HRH1: variants seen among roughly 807,000 people sequenced by gnomAD.
HRH1 encodes histamine receptor H1, also known as histamine H1 receptor.
In HRH1, 6 loss-of-function variants were observed where a neutral mutation model predicts 10.3. That is an observed-to-expected ratio of 0.58 (90% CI 0.32 to 1.15). The LOEUF (loss-of-function observed/expected upper bound fraction) is 1.15, where lower values mean the gene tolerates loss of function less well. Ranked by LOEUF, HRH1 falls within the 50% of genes most tolerant of loss-of-function variation. HRH1 has a pLI of 0.05. For synonymous variants in HRH1, 242 were observed against 236.7 expected, an observed-to-expected ratio of 1.02 and a Z score of -0.21; for missense variants, 514 against 615.3, an observed-to-expected ratio of 0.84 and a Z score of 1.74.
At chr3:11,187,354 TTTTTC>T (rs1293516415) in intron 1 of HRH1, among the ~76,000 whole-genome samples, 23 of 152,088 alleles carry the variant, frequency 1.5e-4, no homozygotes, top group Admixed American at 1.5e-3. Context: ...CCGTAATTTT[TTTTTC>T]TTTTAACTAC....
chr3:11,160,299 G>A (rs35612738), intron 1 of HRH1, among the ~76,000 whole-genome samples: 37,817 of 151,986 alleles, frequency 0.25, 5,970 homozygotes, highest in African/African-American at 0.45. Flanking sequence ...CAATTTTCTC[G>A]GCTGGAATCT....
At chr3:11,180,597 C>A (rs1371694856) in intron 1 of HRH1, among the ~76,000 whole-genome samples, 1 of 152,046 alleles carries the variant, frequency 6.6e-6, no homozygotes, top group African/African-American at 2.4e-5. Context: ...GGGTTGGGTA[C>A]CCCTGTCCTA....
At chr3:11,213,686 A>G (rs1373172529) in intron 1 of HRH1, among the ~76,000 whole-genome samples, 1 of 152,192 alleles carries the variant, frequency 6.6e-6, no homozygotes, top group Non-Finnish European at 1.5e-5. Context: ...GAGGGCATTA[A>G]TCCCATTCAC....
intron 1 of HRH1, among the ~76,000 whole-genome samples, chr3:11,206,584 T>A (rs1468626893): frequency 6.6e-6 from 1 of 152,278 alleles, no homozygotes; most frequent in Non-Finnish European, 1.5e-5. Context: ...CTGTTCACTG[T>A]GCCAGGTGCT....
chr3:11,148,917 T>C (rs953071424), intron 1 of HRH1, among the ~76,000 whole-genome samples: 2 of 151,946 alleles, frequency 1.3e-5, no homozygotes, highest in South Asian at 2.1e-4. Context: ...AGGTAGCTTA[T>C]TTGAATCTCT....
At chr3:11,247,844 G>T (rs370639143) in intron 1 of HRH1, among the ~76,000 whole-genome samples, 1 of 152,150 alleles carries the variant, frequency 6.6e-6, no homozygotes, top group South Asian at 2.1e-4. Context: ...GTTTTGGTGA[G>T]CGCTGTTTCT....
upstream of HRH1, among the ~76,000 whole-genome samples, chr3:11,149,530 C>T (rs1156558062): frequency 1.3e-5 from 2 of 152,188 alleles, no homozygotes; most frequent in Admixed American, 1.3e-4. Flanking sequence ...GAAGCCAGAA[C>T]TTGAGGGATC....
At chr3:11,235,670 C>T (rs1247956554) in intron 1 of HRH1, among the ~76,000 whole-genome samples, 4 of 152,136 alleles carry the variant, frequency 2.6e-5, no homozygotes, top group Non-Finnish European at 4.4e-5. Flanking sequence ...ATGGCGGGGA[C>T]GCCACCCCAG....
chr3:11,148,440 T>TA (rs779422237), intron 1 of HRH1, among the ~76,000 whole-genome samples: 29 of 151,272 alleles, frequency 1.9e-4, no homozygotes, highest in East Asian at 7.7e-4. Flanking sequence ...CTTTATCATG[T>TA]AAAAAAAAAG....
chr3:11,214,149 G>T (rs922594544), intron 1 of HRH1, among the ~76,000 whole-genome samples: 1 of 152,180 alleles, frequency 6.6e-6, no homozygotes, highest in Non-Finnish European at 1.5e-5. Flanking sequence ...CAAACAGGAG[G>T]GGGAGGGGAA....
chr3:11,202,053 G>A (rs913622170), intron 1 of HRH1, among the ~76,000 whole-genome samples: 1 of 152,158 alleles, frequency 6.6e-6, no homozygotes, highest in Non-Finnish European at 1.5e-5. Context: ...AATACATACG[G>A]TTGAGTTTTG....
At chr3:11,242,509 A>AAAAAAAAAAAAAAAAAAAAAAAT (rs1559283215) in intron 1 of HRH1, among the ~76,000 whole-genome samples, 2 of 120,768 alleles carry the variant, frequency 1.7e-5, no homozygotes, top group African/African-American at 6.6e-5. Context: ...AAAAAAAAAA[A>AAAAAAAAAAAAAAAAAAAAAAAT]GCTGTAACAC....
At chr3:11,256,633 T>C (rs1220963755) in intron 1 of HRH1, among the ~76,000 whole-genome samples, 2 of 151,960 alleles carry the variant, frequency 1.3e-5, no homozygotes, top group Admixed American at 1.3e-4. Context: ...ACCCCATCTC[T>C]ACTAAAAATA....
intron 1 of HRH1, among the ~76,000 whole-genome samples, chr3:11,237,103 A>T (rs988323621): frequency 1.3e-5 from 2 of 152,192 alleles, no homozygotes; most frequent in Non-Finnish European, 2.9e-5. Flanking sequence ...TCCTGAAATG[A>T]TACTTGTGTG....
rs928906097 is a variant in HRH1, at chr3:11,234,649, C to T, written c.-35-24354C>T. ...GTCTTCTTTGGTTATAAATATGATT[C>T]GATCCTTCCCTTCCTGCCGGCAGTA... On this transcript the variant is annotated intron_variant, in intron 1 of 1. Transcript: ENST00000431010. 20 of 1,339,816 alleles carry T rather than the reference C, an allele frequency of 1.5e-5. 1 individual carries two copies. The highest frequency in any genetic ancestry group is 1.0e-4 in the Admixed American group (6 of 59,504). 83.0% of individuals were successfully genotyped at this position (1,339,816 alleles called of 1,614,324 possible). A position where few individuals can be genotyped will look rare whatever the true frequency, so the allele number is the denominator to read the frequency against.
intron 1 of HRH1, among the ~76,000 whole-genome samples, chr3:11,166,431 G>A (rs1937032777): frequency 1.3e-5 from 2 of 152,198 alleles, no homozygotes; most frequent in Non-Finnish European, 2.9e-5. Flanking sequence ...TGCTCCTCTA[G>A]GCACACGGGA....
At chr3:11,168,351 T>C (rs566268668) in intron 1 of HRH1, among the ~76,000 whole-genome samples, 37 of 152,256 alleles carry the variant, frequency 2.4e-4, no homozygotes, top group African/African-American at 8.7e-4. Flanking sequence ...TGCAGGGTTC[T>C]CAGCCTGCAA....
chr3:11,262,575 T>C lies in HRH1; in HGVS notation c.*2074T>C, dbSNP rs141166041. On this transcript the variant is annotated 3_prime_UTR_variant, in exon 2 of 2. Transcript: ENST00000431010. ...GGTCTGTTTCCAGGTCAGAAACCATTGTTCAGAAGACCTCCCTGTGAGAGA... is the reference window on the plus strand; with the variant it reads ...GGTCTGTTTCCAGGTCAGAAACCATCGTTCAGAAGACCTCCCTGTGAGAGA... The C allele has an allele frequency of 6.0e-6, 1 of 167,204 alleles. No homozygotes were observed. The highest frequency in any genetic ancestry group is 1.5e-5 in the Non-Finnish European group (1 of 68,122). 10.4% of individuals were successfully genotyped at this position (167,204 alleles called of 1,614,324 possible). A position where few individuals can be genotyped will look rare whatever the true frequency, so the allele number is the denominator to read the frequency against.
intron 1 of HRH1, 56 bp from the exon 2 acceptor site, chr3:11,258,947 A>C: frequency 2.4e-6 from 3 of 1,227,700 alleles, no homozygotes; most frequent in Non-Finnish European, 3.4e-6. Flanking sequence ...TCATGCTACT[A>C]AGTGGCCACT....
Sources: gnomAD v4.1 joint callset for allele counts (sites outside exome capture counted in the v4.1 genomes callset) on GRCh38, gnomAD v4.1.1 for gene constraint, MANE v1.5 for transcripts, NCBI Gene and HGNC (gene_info 2026-07-23, HGNC 2026-07-21) for gene names.